The following HS3ST3A1 variants were observed in gnomAD, a reference collection of about 807,000 sequenced individuals.
The protein encoded by HS3ST3A1 is heparan sulfate-glucosamine 3-sulfotransferase 3A1.
In HS3ST3A1, 19 loss-of-function variants were observed where a neutral mutation model predicts 25.7. The observed-to-expected ratio is 0.74, with a 90% CI of 0.52 to 1.08. The LOEUF is 1.08. Ranked by LOEUF, HS3ST3A1 falls within the 50% of genes least tolerant of loss-of-function variation. The pLI, the probability that HS3ST3A1 is intolerant of heterozygous loss-of-function variation, is 0.00. For synonymous variants in HS3ST3A1, 226 were observed against 278.6 expected (o/e 0.81, Z 1.88); for missense variants, 459 against 594.3 (o/e 0.77, Z 2.37).
chr17:13,600,478 C>T (rs1366236221), intron 1 of HS3ST3A1, 53 bp downstream of exon 1: 3 of 1,504,644 alleles, frequency 2.0e-6, no homozygotes, highest in Non-Finnish European at 2.6e-6. Context: ...CACGTCTTTC[C>T]CAGCCCAGGA....
In HS3ST3A1 at chr17:13,582,118, T is replaced by C. The variant is rs1044737078; in HGVS notation, c.599+18413A>G. 2.0e-5 allele frequency among the ~76,000 whole-genome samples: 3 copies of C among 152,208 alleles called. No individual in the cohort carries two copies. The East Asian group carries it at 5.8e-4, about 29-fold the overall frequency. ...ACAGGAAGTGTTCCTCCTCTTTTTT[T>C]TTTCTGATGGATGTTATAAAAGGGG... On this transcript the variant is annotated intron_variant, in intron 1 of 1. Transcript: ENST00000284110.
chr17:13,572,693 C>G (rs1390553124), intron 1 of HS3ST3A1, among the ~76,000 whole-genome samples: 3 of 152,204 alleles, frequency 2.0e-5, no homozygotes, highest in Non-Finnish European at 4.4e-5. Context: ...CTGATCTTCA[C>G]ACCCATGCTT....
chr17:13,544,045 C>T (rs563492876), intron 1 of HS3ST3A1, among the ~76,000 whole-genome samples: 14 of 152,198 alleles, frequency 9.2e-5, no homozygotes, highest in South Asian at 2.1e-4. Flanking sequence ...ATTAGTAAAG[C>T]ATCAAATAAA....
At chr17:13,579,089 C>A (rs577832314) in intron 1 of HS3ST3A1, among the ~76,000 whole-genome samples, 5 of 151,962 alleles carry the variant, frequency 3.3e-5, no homozygotes, top group Non-Finnish European at 5.9e-5. Flanking sequence ...TAACTGGACA[C>A]GTTTTTTCAT....
At chr17:13,540,770 AG>A (rs1906909335) in intron 1 of HS3ST3A1, among the ~76,000 whole-genome samples, 1 of 152,250 alleles carries the variant, frequency 6.6e-6, no homozygotes, top group African/African-American at 2.4e-5. Context: ...TCTTCCTGGA[AG>A]ATCTTGGCAT....
chr17:13,578,393 CAAAAAAA>C (rs397960321), intron 1 of HS3ST3A1, among the ~76,000 whole-genome samples: 3 of 94,936 alleles, frequency 3.2e-5, no homozygotes, highest in Admixed American at 1.2e-4. Flanking sequence ...TACAAAAATA[CAAAAAAA>C]AAAAAAAAAA....
At chr17:13,503,241 A>G (rs1204487674) in intron 1 of HS3ST3A1, among the ~76,000 whole-genome samples, 1 of 152,116 alleles carries the variant, frequency 6.6e-6, no homozygotes, top group Non-Finnish European at 1.5e-5. Flanking sequence ...GCTACACAGC[A>G]TAGAAGAAAA....
rs1905331070 is a variant in HS3ST3A1 at position 13,497,760 on chromosome 17, A to G, written c.600-942T>C. ...GAGACAGTTACAGACAGTTGGATAG[A>G]TAGAGATCTTTAGTTATTTCATTTT... is the stretch of plus-strand genomic sequence containing the variant. On this transcript the variant is annotated intron_variant, in intron 1 of 1. Coordinates refer to ENST00000284110, the MANE Select transcript of HS3ST3A1 (RefSeq NM_006042.3). 2.6e-5 allele frequency among the ~76,000 whole-genome samples: 4 copies of G among 152,256 alleles called. No individual in the cohort carries two copies. In the South Asian group the frequency reaches 6.2e-4, roughly 24 times the overall value.
chr17:13,499,776 G>A (rs1485605608), intron 1 of HS3ST3A1, among the ~76,000 whole-genome samples: 1 of 152,176 alleles, frequency 6.6e-6, no homozygotes, highest in Non-Finnish European at 1.5e-5. Context: ...GGAGTTTGAA[G>A]AGGAAACAGC....
At chr17:13,542,373 A>C (rs1384367469) in intron 1 of HS3ST3A1, among the ~76,000 whole-genome samples, 1 of 150,964 alleles carries the variant, frequency 6.6e-6, no homozygotes, top group South Asian at 2.1e-4. Context: ...GGAAGAGTAG[A>C]TCCCTGATCC....
At chr17:13,540,542 C>A (rs1450852397) in intron 1 of HS3ST3A1, among the ~76,000 whole-genome samples, 2 of 152,198 alleles carry the variant, frequency 1.3e-5, no homozygotes, top group African/African-American at 2.4e-5. Flanking sequence ...TAGTCAAAGA[C>A]TTTTAAGTGC....
chr17:13,590,158 C>T (rs1029567684), intron 1 of HS3ST3A1, among the ~76,000 whole-genome samples: 6 of 152,184 alleles, frequency 3.9e-5, no homozygotes, highest in Non-Finnish European at 5.9e-5. Context: ...GGCCATAAAA[C>T]ACAAATTATT....
chr17:13,525,230 G>T (rs1906372665), intron 1 of HS3ST3A1, among the ~76,000 whole-genome samples: 1 of 151,952 alleles, frequency 6.6e-6, no homozygotes, highest in African/African-American at 2.4e-5. Flanking sequence ...TGTAATTTTA[G>T]TTCATTCATT....
chr17:13,508,633 A>C (rs956040693), intron 1 of HS3ST3A1, among the ~76,000 whole-genome samples: 1 of 152,208 alleles, frequency 6.6e-6, no homozygotes, highest in African/African-American at 2.4e-5. Flanking sequence ...TATTCATAAG[A>C]TGTAAAATAC....
At chr17:13,511,623 C>A (rs1306458583) in intron 1 of HS3ST3A1, among the ~76,000 whole-genome samples, 3 of 151,206 alleles carry the variant, frequency 2.0e-5, no homozygotes, top group African/African-American at 4.9e-5. Context: ...TATAATGAAG[C>A]AACTGATGCC....
At chr17:13,541,791 C>T (rs959920063) in intron 1 of HS3ST3A1, among the ~76,000 whole-genome samples, 4 of 152,150 alleles carry the variant, frequency 2.6e-5, no homozygotes, top group Non-Finnish European at 5.9e-5. Context: ...TTGAAGGCTA[C>T]TTGAAGAAAG....
intron 1 of HS3ST3A1, among the ~76,000 whole-genome samples, chr17:13,530,591 T>A (rs1406827027): frequency 6.6e-6 from 1 of 152,070 alleles, no homozygotes; most frequent in African/African-American, 2.4e-5. Flanking sequence ...AATCTAACAA[T>A]CTGTTTGGTT....
chr17:13,577,938 G>T (rs190043270), intron 1 of HS3ST3A1, among the ~76,000 whole-genome samples: 1 of 152,086 alleles, frequency 6.6e-6, no homozygotes, highest in Admixed American at 6.5e-5. Context: ...ATCAAAACGG[G>T]CATCTTCACA....
chr17:13,575,036 A>G (rs2142376650), intron 1 of HS3ST3A1, among the ~76,000 whole-genome samples: 1 of 68,584 alleles, frequency 1.5e-5, no homozygotes. Flanking sequence ...ATTTTTTCTC[A>G]GTCTCTCTGT....
Sources: gnomAD v4.1 joint callset for allele counts (sites outside exome capture counted in the v4.1 genomes callset) on GRCh38, gnomAD v4.1.1 for gene constraint, MANE v1.5 for transcripts, NCBI Gene and HGNC (gene_info 2026-07-23, HGNC 2026-07-21) for gene names.